Variants in ADAM23 observed in about 807,000 individuals in gnomAD.
ADAM23 encodes ADAM metallopeptidase domain 23.
A neutral mutation model predicts 120.1 loss-of-function variants in ADAM23; 33 were observed. The ratio of observed to expected loss-of-function variants is 0.27; its 90% CI spans 0.21 to 0.37. The LOEUF is 0.37. Among genes scored for constraint, ADAM23 ranks in the 10% least tolerant of loss-of-function variants. The pLI is 1.00. For missense variants in ADAM23, 862 were observed against 1,058.2 expected (o/e 0.81, Z 2.57); for synonymous variants, 367 against 375.2 (o/e 0.98, Z 0.25).
chr2:206,546,747 A>G (rs551984184), intron 6 of ADAM23, among the ~76,000 whole-genome samples: 19 of 152,212 alleles, frequency 1.2e-4, no homozygotes, highest in Non-Finnish European at 2.2e-4. Flanking sequence ...TTTGTAAAAT[A>G]GGGATAAACC....
At chr2:206,562,929 A>G (rs763675875) in intron 13 of ADAM23, among the ~76,000 whole-genome samples, 2 of 152,186 alleles carry the variant, frequency 1.3e-5, no homozygotes, top group African/African-American at 2.4e-5. Context: ...TTTTTCGTTA[A>G]TCAGATGAGA....
chr2:206,550,832 A>T (rs1574528324), intron 9 of ADAM23, among the ~76,000 whole-genome samples: 1 of 151,948 alleles, frequency 6.6e-6, no homozygotes, highest in East Asian at 1.9e-4. Flanking sequence ...CGATCTCCTG[A>T]CCTCGTGATC....
intron 3 of ADAM23, among the ~76,000 whole-genome samples, chr2:206,513,555 A>G (rs954820390): frequency 6.6e-6 from 1 of 152,234 alleles, no homozygotes; most frequent in Non-Finnish European, 1.5e-5. Context: ...TTTCCATAAC[A>G]TAAAAGTGCA....
intron 24 of ADAM23, among the ~76,000 whole-genome samples, chr2:206,600,674 C>T (rs184211893): frequency 2.4e-3 from 361 of 152,238 alleles, no homozygotes; most frequent in African/African-American, 8.3e-3. Flanking sequence ...TTCAACCTCT[C>T]CTGTGTGAGG....
At chr2:206,576,689 T>G (rs1018727808) in intron 18 of ADAM23, among the ~76,000 whole-genome samples, 3 of 152,148 alleles carry the variant, frequency 2.0e-5, no homozygotes, top group East Asian at 3.8e-4. Flanking sequence ...ACATTATGAC[T>G]TTATCTCTTT....
intron 5 of ADAM23, 130 bp downstream of exon 5, chr2:206,542,264 AG>A (rs1335538708): frequency 2.7e-5 from 23 of 846,210 alleles, no homozygotes; most frequent in Admixed American, 1.7e-4. Context: ...GTGCACAAGG[AG>A]GGCAATGTCC....
chr2:206,498,392 A>C (rs946625797), intron 3 of ADAM23, among the ~76,000 whole-genome samples: 3 of 152,236 alleles, frequency 2.0e-5, no homozygotes, highest in Admixed American at 6.5e-5. Flanking sequence ...CAAAAAGAAG[A>C]AATGGGGAAA....
chr2:206,476,654 C>T (rs991227868), intron 2 of ADAM23, among the ~76,000 whole-genome samples: 5 of 152,112 alleles, frequency 3.3e-5, no homozygotes, highest in Admixed American at 6.5e-5. Flanking sequence ...AATTATCTTC[C>T]GTGAAACTGG....
intron 24 of ADAM23, among the ~76,000 whole-genome samples, chr2:206,609,161 C>T (rs1006298442): frequency 2.0e-5 from 3 of 152,132 alleles, no homozygotes; most frequent in Admixed American, 2.0e-4. Context: ...TCCTTTGGCT[C>T]TCTGCTTTTT....
chr2:206,616,196 C>T (rs1164446678), intron 25 of ADAM23, among the ~76,000 whole-genome samples: 1 of 152,176 alleles, frequency 6.6e-6, no homozygotes, highest in Non-Finnish European at 1.5e-5. Context: ...CTGTGCTCTG[C>T]AGCAAACTAA....
chr2:206,520,579 G>GA (rs1255951673), intron 3 of ADAM23, among the ~76,000 whole-genome samples: 4 of 152,130 alleles, frequency 2.6e-5, no homozygotes, highest in African/African-American at 9.6e-5. Flanking sequence ...TGAATGAGTG[G>GA]AGGACAGTTA....
intron 2 of ADAM23, among the ~76,000 whole-genome samples, chr2:206,472,448 A>G (rs922833847): frequency 1.4e-5 from 2 of 145,812 alleles, no homozygotes; most frequent in African/African-American, 2.5e-5. Flanking sequence ...TGTCTTTACT[A>G]AAAAAAAAAC....
chr2:206,572,778 T>A (rs1435635597), intron 17 of ADAM23, among the ~76,000 whole-genome samples: 1 of 152,172 alleles, frequency 6.6e-6, no homozygotes, highest in Non-Finnish European at 1.5e-5. Context: ...ATCTTAAATG[T>A]TTATATTATA....
At chr2:206,472,883 G>C (rs1333516439) in intron 2 of ADAM23, among the ~76,000 whole-genome samples, 1 of 152,134 alleles carries the variant, frequency 6.6e-6, no homozygotes, top group Non-Finnish European at 1.5e-5. Context: ...ACGGTGATCT[G>C]CTTCCTTTAA....
intron 2 of ADAM23, among the ~76,000 whole-genome samples, chr2:206,473,599 TAACAAC>T (rs1553548021): frequency 4.0e-5 from 6 of 148,556 alleles, no homozygotes; most frequent in South Asian, 2.1e-4. Context: ...ATAATAATAA[TAACAAC>T]AACAACAACA....
At chr2:206,485,945 A>G (rs1409231932) in intron 3 of ADAM23, among the ~76,000 whole-genome samples, 1 of 152,226 alleles carries the variant, frequency 6.6e-6, no homozygotes, top group Non-Finnish European at 1.5e-5. Flanking sequence ...GGTTCTGCAC[A>G]GCTGGGACAG....
chr2:206,548,971 A>T (rs910236012), intron 8 of ADAM23, among the ~76,000 whole-genome samples: 1 of 152,100 alleles, frequency 6.6e-6, no homozygotes, highest in African/African-American at 2.4e-5. Context: ...TTGTAATTGA[A>T]ATTATGTTTC....
chr2:206,484,784 T>G (rs1339031490), intron 3 of ADAM23, among the ~76,000 whole-genome samples: 1 of 152,168 alleles, frequency 6.6e-6, no homozygotes, highest in Non-Finnish European at 1.5e-5. Flanking sequence ...AATTGTAGCT[T>G]TCATAATCCC....
intron 6 of ADAM23, among the ~76,000 whole-genome samples, chr2:206,546,219 G>A (rs924666241): frequency 4.6e-5 from 7 of 152,118 alleles, no homozygotes; most frequent in African/African-American, 1.7e-4. Context: ...TAGAGGAAAG[G>A]AATAGTGCTT....
Sources: gnomAD v4.1 joint callset for allele counts (sites outside exome capture counted in the v4.1 genomes callset) on GRCh38, gnomAD v4.1.1 for gene constraint, MANE v1.5 for transcripts, NCBI Gene and HGNC (gene_info 2026-07-23, HGNC 2026-07-21) for gene names.